TEX36: variants seen among roughly 807,000 people sequenced by gnomAD.
TEX36 encodes testis expressed 36.
TEX36 carries 12 observed loss-of-function variants against 13.6 expected under a neutral mutation model. That is an observed-to-expected ratio of 0.88 (90% confidence interval 0.56 to 1.43). TEX36 has a LOEUF of 1.43. TEX36 is among the 40% of genes most tolerant of loss of function. The probability of loss-of-function intolerance (pLI) is 0.00; values close to 1 mark genes in which losing one functional copy is unlikely to be tolerated. For missense variants in TEX36, 224 were observed against 228.3 expected, an observed-to-expected ratio of 0.98 and a Z score of 0.12; for synonymous variants, 93 against 83.0, an observed-to-expected ratio of 1.12 and a Z score of -0.65.
At chr10:125,666,800 T>C (rs7086838) in intron 1 of TEX36, 2,807 of 251,038 alleles carry the variant, frequency 0.011, 76 homozygotes, top group African/African-American at 0.058. Flanking sequence ...CCTGGAGACC[T>C]GAGGAGAAGG....
chr10:125,630,473 T>A (rs535088843), intron 3 of TEX36, among the ~76,000 whole-genome samples: 2 of 152,092 alleles, frequency 1.3e-5, no homozygotes, highest in African/African-American at 4.8e-5. Context: ...GTTGCAAGGA[T>A]GAATGTTCTG....
chr10:125,655,570 G>T, downstream of TEX36: 1 of 598,736 alleles, frequency 1.7e-6, no homozygotes. Context: ...TTACTTCTGA[G>T]GACATACAGG....
intron 1 of TEX36, among the ~76,000 whole-genome samples, chr10:125,675,926 C>T (rs1457368496): frequency 1.3e-5 from 2 of 152,216 alleles, no homozygotes; most frequent in African/African-American, 4.8e-5. Context: ...TGCATAGTTT[C>T]CAAAGTTCCT....
chr10:125,637,166 TGGCGTGGTGGTA>T (rs1210172407), intron 3 of TEX36, among the ~76,000 whole-genome samples: 1 of 151,908 alleles, frequency 6.6e-6, no homozygotes, highest in Non-Finnish European at 1.5e-5. Context: ...AAAATTAGTC[TGGCGTGGTGGTA>T]GACACCTGTG....
At chr10:125,585,288 T>G (rs1462464771) in intron 3 of TEX36, among the ~76,000 whole-genome samples, 1 of 152,136 alleles carries the variant, frequency 6.6e-6, no homozygotes, top group Non-Finnish European at 1.5e-5. Flanking sequence ...ACCTGCCCAA[T>G]TCCCTCCTGC....
intron 3 of TEX36, among the ~76,000 whole-genome samples, chr10:125,582,853 A>G (rs2133523469): frequency 6.6e-6 from 1 of 152,344 alleles, no homozygotes; most frequent in Non-Finnish European, 1.5e-5. Flanking sequence ...AATGGACTAA[A>G]GTGCTAAAGT....
intron 1 of TEX36, among the ~76,000 whole-genome samples, chr10:125,673,666 C>T (rs1332412565): frequency 7.2e-6 from 1 of 139,574 alleles, no homozygotes; most frequent in Non-Finnish European, 1.5e-5. Context: ...GCCAAGATCA[C>T]ACTATTGCAC....
At chr10:125,656,249 C>CTTTTTT (rs66461124) in intron 3 of TEX36, 53 bp from the exon 4 acceptor site, 19 of 262,616 alleles carry the variant, frequency 7.2e-5, no homozygotes, top group Non-Finnish European at 1.1e-4. Flanking sequence ...TCACATAGTT[C>CTTTTTT]TTTTTTTTTT....
intron 3 of TEX36, among the ~76,000 whole-genome samples, chr10:125,590,663 A>G (rs748849538): frequency 2.6e-5 from 4 of 152,292 alleles, no homozygotes; most frequent in Admixed American, 6.5e-5. Flanking sequence ...AGTGCTGCTC[A>G]GTGCTCAGAT....
chr10:125,581,153 C>A (rs1845876622), intron 3 of TEX36, among the ~76,000 whole-genome samples: 1 of 152,168 alleles, frequency 6.6e-6, no homozygotes, highest in Admixed American at 6.5e-5. Flanking sequence ...CTTCCTGAGG[C>A]CTTTCTCCAC....
intron 3 of TEX36, among the ~76,000 whole-genome samples, chr10:125,597,464 C>T (rs1233906592): frequency 6.6e-6 from 1 of 152,192 alleles, no homozygotes; most frequent in Admixed American, 6.5e-5. Context: ...AGCTTACAAG[C>T]AAGAGTTTCT....
intron 3 of TEX36, among the ~76,000 whole-genome samples, chr10:125,632,137 G>T (rs1433060386): frequency 6.6e-6 from 1 of 152,076 alleles, no homozygotes; most frequent in Non-Finnish European, 1.5e-5. Flanking sequence ...AGGACTCCCA[G>T]GCTTGGGGCT....
At chr10:125,588,984 T>G (rs75725540) in intron 3 of TEX36, among the ~76,000 whole-genome samples, 1,681 of 152,330 alleles carry the variant, frequency 0.011, 17 homozygotes, top group Admixed American at 0.025. Context: ...AAGCCATTCA[T>G]GAGGGGTCCG....
At chr10:125,603,539 T>C (rs1206978029) in intron 3 of TEX36, among the ~76,000 whole-genome samples, 2 of 152,112 alleles carry the variant, frequency 1.3e-5, no homozygotes, top group African/African-American at 4.8e-5. Flanking sequence ...TGGTCACAGA[T>C]AAGGCTGTGC....
intron 3 of TEX36, among the ~76,000 whole-genome samples, chr10:125,659,136 T>C (rs897246276): frequency 6.6e-6 from 1 of 152,136 alleles, no homozygotes; most frequent in Non-Finnish European, 1.5e-5. Context: ...CTCTAAAAAA[T>C]ATACCAAACC....
Position 125,634,795 on chromosome 10 carries a change from C to T in TEX36, c.265-13150G>A, listed in dbSNP as rs182110046. Among the ~76,000 whole-genome samples the T allele has an allele frequency of 3.3e-5, 5 of 152,222 alleles. No homozygotes were observed. The East Asian group carries it at 5.8e-4, about 18-fold the overall frequency. On this transcript the variant is annotated intron_variant, in intron 3 of 3. Transcript: ENST00000526819. ...CATCCACCAGTTCATTAATGCAATA[C>T]GTCATCATTGAGGGTAGATAGAGTG...
At chr10:125,604,006 C>T (rs952041954) in intron 3 of TEX36, among the ~76,000 whole-genome samples, 4 of 152,122 alleles carry the variant, frequency 2.6e-5, no homozygotes, top group African/African-American at 9.7e-5. Context: ...CCCCGGGACC[C>T]GAGAAGCTCA....
chr10:125,672,824 A>G (rs1038656215), intron 1 of TEX36, among the ~76,000 whole-genome samples: 1 of 152,174 alleles, frequency 6.6e-6, no homozygotes, highest in African/African-American at 2.4e-5. Flanking sequence ...TTGGGTGCAT[A>G]TATATTTAGG....
chr10:125,610,848 C>T (rs1373624873), intron 3 of TEX36, among the ~76,000 whole-genome samples: 29 of 152,162 alleles, frequency 1.9e-4, no homozygotes, highest in Admixed American at 1.9e-3. Context: ...CTCTAGTGTG[C>T]TATAATGCTC....
Sources: gnomAD v4.1 joint callset for allele counts (sites outside exome capture counted in the v4.1 genomes callset) on GRCh38, gnomAD v4.1.1 for gene constraint, MANE v1.5 for transcripts, NCBI Gene and HGNC (gene_info 2026-07-23, HGNC 2026-07-21) for gene names.